Variants in PTPRT observed in about 807,000 individuals in gnomAD.
The protein encoded by PTPRT is protein tyrosine phosphatase receptor type T, also known as receptor-type tyrosine-protein phosphatase T.
PTPRT carries 56 observed loss-of-function variants against 176.8 expected under a neutral mutation model. The ratio of observed to expected loss-of-function variants is 0.32; its 90% CI spans 0.26 to 0.40. The LOEUF (loss-of-function observed/expected upper bound fraction) is 0.40, where lower values mean the gene tolerates loss of function less well. PTPRT is among the 10% of genes least tolerant of loss of function. The probability of loss-of-function intolerance (pLI) is 1.00; values close to 1 mark genes in which losing one functional copy is unlikely to be tolerated. For synonymous variants in PTPRT, 783 were observed against 739.0 expected, an observed-to-expected ratio of 1.06 and a Z score of -0.96; for missense variants, 1,540 against 1,908.2, an observed-to-expected ratio of 0.81 and a Z score of 3.60.
rs915622117 is a variant in PTPRT at position 42,072,924 on chromosome 20, C to A, written c.*7955G>T. 4.5e-6 allele frequency: 1 copy of A among 223,396 alleles called. No homozygotes were observed. The highest frequency in any genetic ancestry group is 2.2e-5 in the African/African-American group (1 of 44,772). The allele number at this position is 223,396 out of a possible 1,614,324, so 13.8% of individuals were successfully genotyped here. ...ACAGTCAAAAAATATATCTGATATT[C>A]ATTGACCTGACATTATTTACCTTCT... On this transcript the variant is annotated 3_prime_UTR_variant, in exon 31 of 31. Transcript: ENST00000373187.
intron 9 of PTPRT, among the ~76,000 whole-genome samples, chr20:42,423,055 G>T (rs1038558672): frequency 6.6e-6 from 1 of 152,040 alleles, no homozygotes; most frequent in African/African-American, 2.4e-5. Context: ...AGGGTGGAAG[G>T]TGGGAGGAGG....
the PTPRT span, among the ~76,000 whole-genome samples, chr20:42,065,524 A>G: frequency 6.6e-6 from 1 of 152,228 alleles, no homozygotes; most frequent in African/African-American, 2.4e-5. Context: ...AAGAGTAACT[A>G]TACTCCGTGT....
chr20:42,851,617 T>G (rs569396245), intron 2 of PTPRT, among the ~76,000 whole-genome samples: 1 of 152,330 alleles, frequency 6.6e-6, no homozygotes, highest in African/African-American at 2.4e-5. Flanking sequence ...GTTCCTGCTC[T>G]CCATGTGTCA....
chr20:42,749,931 C>A (rs57081241), intron 6 of PTPRT, among the ~76,000 whole-genome samples: 11,792 of 152,146 alleles, frequency 0.078, 488 homozygotes, highest in East Asian at 0.13. Context: ...AAAACAGGGA[C>A]GCTGAGGAGC....
At chr20:42,258,177 G>A (rs2056682189) in intron 13 of PTPRT, among the ~76,000 whole-genome samples, 1 of 152,178 alleles carries the variant, frequency 6.6e-6, no homozygotes. Context: ...GCCTGTCTCT[G>A]CCGGGTTTGC....
intron 9 of PTPRT, among the ~76,000 whole-genome samples, chr20:42,442,659 T>C (rs1568883209): frequency 6.6e-6 from 1 of 152,240 alleles, no homozygotes; most frequent in Non-Finnish European, 1.5e-5. Context: ...TCACACTTCG[T>C]TAACCCAGTT....
chr20:42,511,989 G>T (rs898796548), intron 7 of PTPRT, among the ~76,000 whole-genome samples: 1 of 151,994 alleles, frequency 6.6e-6, no homozygotes, highest in South Asian at 2.1e-4. Context: ...AATAGGAAAG[G>T]TTCTATTCCT....
chr20:42,581,568 A>G (rs2073372961), intron 7 of PTPRT, among the ~76,000 whole-genome samples: 1 of 151,952 alleles, frequency 6.6e-6, no homozygotes, highest in Non-Finnish European at 1.5e-5. Context: ...ACAGGAGAGG[A>G]AATTTTTCTA....
intron 6 of PTPRT, among the ~76,000 whole-genome samples, chr20:42,682,834 C>A (rs930825466): frequency 4.6e-5 from 7 of 152,202 alleles, no homozygotes; most frequent in African/African-American, 1.7e-4. Flanking sequence ...ATCTCCAGAA[C>A]AATTCTGTCT....
chr20:42,772,026 T>C (rs1330704764), intron 4 of PTPRT, among the ~76,000 whole-genome samples: 5 of 152,184 alleles, frequency 3.3e-5, no homozygotes, highest in African/African-American at 1.2e-4. Context: ...GTATTCACCA[T>C]AGGTGATGCT....
intron 13 of PTPRT, among the ~76,000 whole-genome samples, chr20:42,281,175 T>G (rs1252888411): frequency 1.3e-5 from 2 of 152,168 alleles, no homozygotes; most frequent in African/African-American, 4.8e-5. Context: ...ATCTGTTTTC[T>G]TCAGTGGAAA....
intron 7 of PTPRT, among the ~76,000 whole-genome samples, chr20:42,625,890 A>T (rs1188561265): frequency 6.6e-6 from 1 of 151,270 alleles, no homozygotes; most frequent in Non-Finnish European, 1.5e-5. Context: ...TACCTAATCC[A>T]TTCTGATTTT....
intron 1 of PTPRT, among the ~76,000 whole-genome samples, chr20:42,928,561 G>A (rs2145967719): frequency 6.6e-6 from 1 of 152,272 alleles, no homozygotes; most frequent in East Asian, 1.9e-4. Flanking sequence ...GGGCCATGGG[G>A]AGACCCTACC....
intron 1 of PTPRT, among the ~76,000 whole-genome samples, chr20:43,171,159 AT>A (rs2014989171): frequency 6.6e-6 from 1 of 152,194 alleles, no homozygotes; most frequent in Non-Finnish European, 1.5e-5. Context: ...TTCTTTAATT[AT>A]TATCTTTCTT....
At chr20:42,871,627 T>C (rs1172827783) in intron 2 of PTPRT, among the ~76,000 whole-genome samples, 1 of 152,222 alleles carries the variant, frequency 6.6e-6, no homozygotes. Flanking sequence ...CATGTTTAGG[T>C]CTTTAATCCA....
chr20:42,465,995 A>C (rs2145905351), intron 8 of PTPRT, among the ~76,000 whole-genome samples: 1 of 152,228 alleles, frequency 6.6e-6, no homozygotes, highest in Non-Finnish European at 1.5e-5. Context: ...CTCATTGTTC[A>C]GCTCCCACTT....
chr20:42,109,791 C>T (rs1355379091), intron 23 of PTPRT, among the ~76,000 whole-genome samples: 2 of 152,192 alleles, frequency 1.3e-5, no homozygotes, highest in Non-Finnish European at 2.9e-5. Flanking sequence ...GTGACAGACC[C>T]AGCAGATGCT....
chr20:42,184,541 C>CTCTTCCTCTTCCTCTTCTTCTTCTTCT (rs1555797959), intron 16 of PTPRT, among the ~76,000 whole-genome samples: 2 of 91,624 alleles, frequency 2.2e-5, no homozygotes, highest in African/African-American at 9.2e-5. Context: ...CTTCCTCTTC[C>CTCTTCCTCTTCCTCTTCTTCTTCTTCT]TCTTCTTCTT....
intron 7 of PTPRT, 76 bp downstream of exon 7, chr20:42,677,790 G>A (rs1202104824): frequency 1.3e-6 from 2 of 1,492,614 alleles, no homozygotes; most frequent in Admixed American, 2.0e-5. Flanking sequence ...ATCTGTCACA[G>A]GAAGGCAAGA....
Sources: allele counts gnomAD v4.1 joint callset (sites outside exome capture counted in the v4.1 genomes callset), GRCh38; gene constraint gnomAD v4.1.1; transcripts MANE v1.5; gene names NCBI Gene and HGNC (gene_info 2026-07-23, HGNC 2026-07-21).